The following NUDT9 variants were observed in gnomAD, a reference collection of about 807,000 sequenced individuals.
The protein encoded by NUDT9 is nudix hydrolase 9.
In NUDT9, 31 loss-of-function variants were observed where a neutral mutation model predicts 41.0. The observed-to-expected ratio is 0.76, with a 90% CI of 0.57 to 1.02. The LOEUF (loss-of-function observed/expected upper bound fraction) is 1.02, where lower values mean the gene tolerates loss of function less well. NUDT9 is among the 50% of genes least tolerant of loss of function. The pLI is 0.00. For synonymous variants in NUDT9, 146 were observed against 147.6 expected (o/e 0.99, Z 0.08); for missense variants, 380 against 431.4 (o/e 0.88, Z 1.06).
At chr4:87,428,483 T>G (rs1459355765) in intron 1 of NUDT9, among the ~76,000 whole-genome samples, 1 of 152,200 alleles carries the variant, frequency 6.6e-6, no homozygotes. Flanking sequence ...AACCAAGATG[T>G]TCTTCAGTAG....
intron 1 of NUDT9, among the ~76,000 whole-genome samples, chr4:87,429,710 T>G (rs1721596020): frequency 7.2e-6 from 1 of 138,178 alleles, no homozygotes. Context: ...TCTTTGCCAC[T>G]GTCTCTTCTT....
At chr4:87,450,771 T>G (rs575600131) in intron 5 of NUDT9, among the ~76,000 whole-genome samples, 78 of 152,352 alleles carry the variant, frequency 5.1e-4, no homozygotes, top group African/African-American at 1.7e-3. Context: ...TCTTGCATTT[T>G]TATTGTTATT....
Position 87,457,937 on chromosome 4 carries a change from T to A in NUDT9, c.969T>A (p.Ser323Arg). Residue 323 changes from serine (S) to arginine (R), a missense_variant, in exon 8 of 8, where the codon AGT (serine) becomes AGA (arginine). Coordinates refer to ENST00000302174, the MANE Select transcript of NUDT9 (RefSeq NM_024047.5). ...DINDKLKLYA[S>R]HSQFIKLVAE... ...ATGATAAACTGAAGCTTTATGCCAG[T>A]CACTCTCAATTCATCAAACTTGTGG... is the stretch of plus-strand genomic sequence containing the variant. 2 of 1,601,610 alleles carry A rather than the reference T, an allele frequency of 1.2e-6. No homozygotes were observed. Among genetic ancestry groups the A allele is most frequent in the Non-Finnish European group, 1.7e-6 (2 of 1,176,142 alleles).
At chr4:87,436,103 C>T (rs1420490821) in intron 2 of NUDT9, among the ~76,000 whole-genome samples, 1 of 151,918 alleles carries the variant, frequency 6.6e-6, no homozygotes, top group Non-Finnish European at 1.5e-5. Flanking sequence ...AGGTGATTCT[C>T]CTGCCTCAGC....
Position 87,454,359 on chromosome 4 carries a change from T to C in NUDT9, c.790-12T>C. The C allele has an allele frequency of 3.2e-6, 5 of 1,571,544 alleles. No homozygotes were observed. The highest frequency in any genetic ancestry group is 4.4e-6 in the Non-Finnish European group (5 of 1,141,492). On this transcript the variant is annotated splice_polypyrimidine_tract_variant and intron_variant, in intron 6 of 7. Coordinates refer to ENST00000302174, the MANE Select transcript of NUDT9 (RefSeq NM_024047.5). ...TTGGACTTTTAAAAAATTTGTCTTCTTTTGAAAATAGATATATAAGGGATA... is the reference window on the plus strand; with the variant it reads ...TTGGACTTTTAAAAAATTTGTCTTCCTTTGAAAATAGATATATAAGGGATA...
intron 4 of NUDT9, among the ~76,000 whole-genome samples, chr4:87,448,544 C>G (rs1489089592): frequency 6.6e-6 from 1 of 151,952 alleles, no homozygotes; most frequent in African/African-American, 2.4e-5. Flanking sequence ...TGTAGTGGCA[C>G]CATCTTATCT....
chr4:87,456,067 G>GT (rs771857731), intron 7 of NUDT9, among the ~76,000 whole-genome samples: 2 of 152,136 alleles, frequency 1.3e-5, no homozygotes, highest in Non-Finnish European at 2.9e-5. Context: ...GTTAGGCTGT[G>GT]TTTTTTGTTT....
Position 87,459,063 on chromosome 4 carries a change from T to A in NUDT9, c.*1042T>A, listed in dbSNP as rs1041091219. On this transcript the variant is annotated 3_prime_UTR_variant, in exon 8 of 8. Transcript: ENST00000302174. ...ACCTAAATGTTCATCAGTGATAGAC[T>A]GGATAAAGACAATGTGGTATATGTA... The A allele has an allele frequency of 2.0e-5, 3 of 152,316 alleles. No individual in the cohort carries two copies. The highest frequency in any genetic ancestry group is 2.0e-4 in the Admixed American group (3 of 15,306). The allele number at this position is 152,316 out of a possible 1,614,324, so 9.4% of individuals were successfully genotyped here.
intron 4 of NUDT9, among the ~76,000 whole-genome samples, chr4:87,442,531 A>T (rs1017707144): frequency 2.6e-5 from 4 of 152,234 alleles, no homozygotes; most frequent in Admixed American, 2.0e-4. Flanking sequence ...GTTAATAATA[A>T]ATTGACCTTA....
intron 4 of NUDT9, among the ~76,000 whole-genome samples, chr4:87,446,247 C>CCTTT (rs770716321): frequency 8.0e-6 from 1 of 124,234 alleles, no homozygotes; most frequent in Non-Finnish European, 1.6e-5. Flanking sequence ...CTTATCTTTC[C>CCTTT]TTTTTTTTTT....
chr4:87,433,976 C>T (rs1578068252), intron 1 of NUDT9, among the ~76,000 whole-genome samples: 3 of 152,026 alleles, frequency 2.0e-5, no homozygotes, highest in South Asian at 4.1e-4. Context: ...TTTTGCCATA[C>T]GTTTTATGTG....
intron 1 of NUDT9, among the ~76,000 whole-genome samples, chr4:87,427,138 TA>T (rs34532341): frequency 0.013 from 1,731 of 138,206 alleles, 16 homozygotes; most frequent in African/African-American, 0.03. Flanking sequence ...AAAAAAAAGT[TA>T]AAAAAAAAAA....
intron 4 of NUDT9, among the ~76,000 whole-genome samples, chr4:87,443,637 T>C (rs1360701284): frequency 1.3e-5 from 2 of 152,168 alleles, no homozygotes; most frequent in Admixed American, 1.3e-4. Context: ...ATGTGGGTCA[T>C]GACTGTGGTA....
At chr4:87,443,426 A>G (rs1039264010) in intron 4 of NUDT9, among the ~76,000 whole-genome samples, 2 of 152,218 alleles carry the variant, frequency 1.3e-5, no homozygotes, top group Non-Finnish European at 2.9e-5. Flanking sequence ...TTATGCATCT[A>G]TTTATTGAAC....
Position 87,457,747 on chromosome 4 carries a change from T to C in NUDT9, c.875-96T>C, listed in dbSNP as rs544447264. The C allele has an allele frequency of 6.6e-5, 72 of 1,094,744 alleles. No individual in the cohort carries two copies. The South Asian group carries it at 9.7e-4, about 15-fold the overall frequency. 67.8% of individuals were successfully genotyped at this position (1,094,744 alleles called of 1,614,324 possible). ...TTCACTTGGCCGGCTAGTACAATGA[T>C]GATATAAGATTATTTTAAATAAGAA... On this transcript the variant is annotated intron_variant, in intron 7 of 7. Coordinates refer to ENST00000302174, the MANE Select transcript of NUDT9 (RefSeq NM_024047.5).
intron 6 of NUDT9, among the ~76,000 whole-genome samples, chr4:87,452,967 A>G (rs777417392): frequency 6.6e-6 from 1 of 151,738 alleles, no homozygotes; most frequent in East Asian, 2.0e-4. Flanking sequence ...ATGTGCCACC[A>G]TGCCTGACTA....
intron 7 of NUDT9, among the ~76,000 whole-genome samples, chr4:87,454,730 A>G (rs1050796146): frequency 6.6e-6 from 1 of 152,238 alleles, no homozygotes; most frequent in East Asian, 1.9e-4. Flanking sequence ...TGCTTTAAAG[A>G]TGTCAGATTA....
intron 1 of NUDT9, among the ~76,000 whole-genome samples, chr4:87,423,807 T>C (rs1031173609): frequency 6.6e-6 from 1 of 152,208 alleles, no homozygotes; most frequent in Non-Finnish European, 1.5e-5. Context: ...CATGGGTCGC[T>C]AATTGACTTT....
chr4:87,438,002 C>T (rs983161805), intron 2 of NUDT9, among the ~76,000 whole-genome samples: 3 of 152,116 alleles, frequency 2.0e-5, no homozygotes, highest in Non-Finnish European at 4.4e-5. Flanking sequence ...GGTAGGAGCT[C>T]TAGCTCTTCT....
Sources: allele counts gnomAD v4.1 joint callset (sites outside exome capture counted in the v4.1 genomes callset), GRCh38; gene constraint gnomAD v4.1.1; transcripts MANE v1.5; gene names NCBI Gene and HGNC (gene_info 2026-07-23, HGNC 2026-07-21).